Variants in RASGRP3 observed in about 807,000 individuals in gnomAD.
RASGRP3 encodes ras guanyl-releasing protein 3.
RASGRP3 carries 54 observed loss-of-function variants against 82.7 expected under a neutral mutation model. The observed-to-expected ratio is 0.65, with a 90% CI of 0.52 to 0.82. The LOEUF is 0.82. Among genes scored for constraint, RASGRP3 ranks in the 40% least tolerant of loss-of-function variants. RASGRP3 has a pLI of 0.00. For missense variants in RASGRP3, 861 were observed against 828.9 expected (o/e 1.04, Z -0.48); for synonymous variants, 309 against 300.5 (o/e 1.03, Z -0.29).
intron 14 of RASGRP3, among the ~76,000 whole-genome samples, chr2:33,551,536 C>A (rs1270834334): frequency 6.6e-6 from 1 of 151,802 alleles, no homozygotes; most frequent in Non-Finnish European, 1.5e-5. Flanking sequence ...AGTCAGAAGA[C>A]CCTTATCAAA....
At chr2:33,455,399 C>G (rs1403460088) in intron 2 of RASGRP3, among the ~76,000 whole-genome samples, 1 of 152,116 alleles carries the variant, frequency 6.6e-6, no homozygotes, top group Non-Finnish European at 1.5e-5. Flanking sequence ...GATTCTTAGT[C>G]CTGTGCAATT....
chr2:33,530,497 C>CTTTTT (rs746592952), intron 10 of RASGRP3, among the ~76,000 whole-genome samples: 1 of 117,078 alleles, frequency 8.5e-6, no homozygotes, highest in Non-Finnish European at 1.7e-5. Flanking sequence ...CTGCCCCTTC[C>CTTTTT]TTTTTTTTTT....
chr2:33,542,432 G>A (rs1443943391), intron 12 of RASGRP3, among the ~76,000 whole-genome samples: 1 of 146,576 alleles, frequency 6.8e-6, no homozygotes, highest in African/African-American at 2.4e-5. Context: ...ACTTTGATTT[G>A]AACTTTATAA....
intron 13 of RASGRP3, among the ~76,000 whole-genome samples, chr2:33,548,863 G>T (rs1574483131): frequency 6.6e-6 from 1 of 151,950 alleles, no homozygotes. Flanking sequence ...TAATTTTTGT[G>T]TTTTTGGTAG....
chr2:33,483,949 G>A (rs894652948), intron 1 of RASGRP3, among the ~76,000 whole-genome samples: 5 of 151,978 alleles, frequency 3.3e-5, no homozygotes, highest in African/African-American at 1.2e-4. Context: ...AAGGAGGAGC[G>A]ACAAGCTATG....
At chr2:33,518,947 CA>C (rs1171449031) in intron 4 of RASGRP3, among the ~76,000 whole-genome samples, 1 of 152,120 alleles carries the variant, frequency 6.6e-6, no homozygotes, top group Non-Finnish European at 1.5e-5. Flanking sequence ...GGCTGTTTTA[CA>C]GTTAACTTTT....
At chr2:33,452,166 G>A (rs1665835539) in intron 2 of RASGRP3, among the ~76,000 whole-genome samples, 1 of 151,994 alleles carries the variant, frequency 6.6e-6, no homozygotes, top group Non-Finnish European at 1.5e-5. Context: ...TTCTCTTATA[G>A]CTCACTGAGC....
At chr2:33,440,256 T>A (rs1665153013) in intron 1 of RASGRP3, among the ~76,000 whole-genome samples, 2 of 152,206 alleles carry the variant, frequency 1.3e-5, no homozygotes, top group Admixed American at 1.3e-4. Context: ...AAGCACTTAC[T>A]CGATGTCAAG....
At chr2:33,462,276 A>G (rs541105192) in intron 2 of RASGRP3, among the ~76,000 whole-genome samples, 3 of 151,838 alleles carry the variant, frequency 2.0e-5, no homozygotes, top group Non-Finnish European at 4.4e-5. Context: ...GCCTGTGTTG[A>G]TTGTTGATTT....
At chr2:33,489,094 G>A (rs1668633579) in intron 1 of RASGRP3, among the ~76,000 whole-genome samples, 2 of 152,184 alleles carry the variant, frequency 1.3e-5, no homozygotes, top group Admixed American at 1.3e-4. Context: ...GGGAGTGGCA[G>A]TGGAGTATTA....
rs73926693 is a variant in RASGRP3 at position 33,562,811 on chromosome 2, T to G, written c.*74T>G. ...CAAGACGAGAAACTCTGAAGAAAGC[T>G]CTGACTCTCAGGAAGTTATCTGGAA... On this transcript the variant is annotated 3_prime_UTR_variant, in exon 18 of 18. Coordinates refer to ENST00000403687, the MANE Select transcript of RASGRP3 (RefSeq NM_001139488.2). The G allele has an allele frequency of 1.5e-3, 2,302 of 1,553,614 alleles. 32 individuals are homozygous for G. In the African/African-American group the frequency reaches 0.028, roughly 19 times the overall value.
At chr2:33,487,378 A>G (rs1371684091) in intron 1 of RASGRP3, among the ~76,000 whole-genome samples, 2 of 152,230 alleles carry the variant, frequency 1.3e-5, no homozygotes, top group African/African-American at 2.4e-5. Context: ...AGACAATGAT[A>G]ATAGAGAGGG....
chr2:33,483,025 A>G (rs1668070446), intron 1 of RASGRP3: 2 of 146,520 alleles, frequency 1.4e-5, no homozygotes, highest in South Asian at 4.2e-4. Flanking sequence ...ACAAAAGGGA[A>G]CAACTATAAT....
chr2:33,474,132 C>T (rs1007851099), upstream of RASGRP3, among the ~76,000 whole-genome samples: 1 of 152,082 alleles, frequency 6.6e-6, no homozygotes, highest in Non-Finnish European at 1.5e-5. Flanking sequence ...GGTACCTGTC[C>T]ATGGCATGGG....
intron 1 of RASGRP3, among the ~76,000 whole-genome samples, chr2:33,488,426 G>C (rs1052063077): frequency 6.6e-6 from 1 of 152,122 alleles, no homozygotes; most frequent in African/African-American, 2.4e-5. Flanking sequence ...TTAGTAAAAA[G>C]GTAATGCTTT....
chr2:33,557,431 C>T (rs951624388), intron 15 of RASGRP3, among the ~76,000 whole-genome samples: 4 of 152,122 alleles, frequency 2.6e-5, no homozygotes, highest in Admixed American at 6.5e-5. Flanking sequence ...CAGACAAGGC[C>T]GGGCACGGTG....
At chr2:33,473,770 TC>T (rs1205705814), upstream of RASGRP3, among the ~76,000 whole-genome samples, 2 of 152,164 alleles carry the variant, frequency 1.3e-5, no homozygotes, top group Non-Finnish European at 2.9e-5. Context: ...TGAGGATCCA[TC>T]CCTTCCTCTC....
intron 12 of RASGRP3, among the ~76,000 whole-genome samples, chr2:33,542,658 C>T (rs1405898739): frequency 7.2e-6 from 1 of 139,474 alleles, no homozygotes; most frequent in African/African-American, 2.7e-5. Context: ...CCTCCTCTTT[C>T]CCCCCCCCAC....
chr2:33,561,310 A>G (rs1574516234), intron 17 of RASGRP3, among the ~76,000 whole-genome samples: 1 of 152,050 alleles, frequency 6.6e-6, no homozygotes, highest in Admixed American at 6.5e-5. Flanking sequence ...CAGGTATTCT[A>G]CCTGCCTCAA....
Sources: allele counts gnomAD v4.1 joint callset (sites outside exome capture counted in the v4.1 genomes callset), GRCh38; gene constraint gnomAD v4.1.1; transcripts MANE v1.5; gene names NCBI Gene and HGNC (gene_info 2026-07-23, HGNC 2026-07-21).